CCSER1: variants seen among roughly 807,000 people sequenced by gnomAD.
CCSER1 encodes serine-rich coiled-coil domain-containing protein 1.
CCSER1 carries 41 observed loss-of-function variants against 82.0 expected under a neutral mutation model. That is an observed-to-expected ratio of 0.50 (90% CI 0.39 to 0.65). The LOEUF is 0.65. Ranked by LOEUF, CCSER1 falls within the 30% of genes least tolerant of loss-of-function variation. The probability of loss-of-function intolerance (pLI) is 0.00; values close to 1 mark genes in which losing one functional copy is unlikely to be tolerated. For missense variants in CCSER1, 1,119 were observed against 1,064.2 expected, an observed-to-expected ratio of 1.05 and a Z score of -0.72; for synonymous variants, 414 against 383.9, an observed-to-expected ratio of 1.08 and a Z score of -0.92.
intron 7 of CCSER1, among the ~76,000 whole-genome samples, chr4:90,745,846 CA>C (rs751468336): frequency 6.7e-6 from 1 of 150,148 alleles, no homozygotes; most frequent in Non-Finnish European, 1.5e-5. Context: ...CCCGCCACCA[CA>C]CCCAGCTAAA....
chr4:91,073,115 A>G (rs1416901479), intron 9 of CCSER1, among the ~76,000 whole-genome samples: 1 of 152,140 alleles, frequency 6.6e-6, no homozygotes, highest in Non-Finnish European at 1.5e-5. Context: ...ATTACAGTAT[A>G]GACATTCAAA....
In CCSER1 at chr4:91,218,534, A is replaced by G. The variant is rs568584345; in HGVS notation, c.2217+132540A>G. Among the ~76,000 whole-genome samples, 10 of 152,356 alleles carry G rather than the reference A, an allele frequency of 6.6e-5. No individual in the cohort carries two copies. The South Asian group carries it at 1.2e-3, about 19-fold the overall frequency. On this transcript the variant is annotated intron_variant, in intron 10 of 10. Coordinates refer to ENST00000509176, the MANE Select transcript of CCSER1 (RefSeq NM_001145065.2). ...GACTGCCAGCATGCTGTCACCTCTC[A>G]GTATGACTAAAAGTTGATGAAACTG...
chr4:90,292,603 A>G (rs1312104105), intron 1 of CCSER1, among the ~76,000 whole-genome samples: 1 of 151,990 alleles, frequency 6.6e-6, no homozygotes, highest in Non-Finnish European at 1.5e-5. Flanking sequence ...ACATGACTGA[A>G]TGGAAATCAG....
intron 5 of CCSER1, among the ~76,000 whole-genome samples, chr4:90,524,319 C>A (rs544815785): frequency 2.6e-5 from 4 of 152,182 alleles, no homozygotes; most frequent in Non-Finnish European, 4.4e-5. Flanking sequence ...ATCACCACAG[C>A]AAGCTGCCAT....
intron 1 of CCSER1, among the ~76,000 whole-genome samples, chr4:90,137,310 A>G (rs1723872068): frequency 6.6e-6 from 1 of 152,222 alleles, no homozygotes; most frequent in Non-Finnish European, 1.5e-5. Flanking sequence ...AGGGTACTTC[A>G]AAGTATAAAT....
At chr4:91,072,027 C>T (rs1273493813) in intron 9 of CCSER1, among the ~76,000 whole-genome samples, 1 of 152,096 alleles carries the variant, frequency 6.6e-6, no homozygotes, top group South Asian at 2.1e-4. Flanking sequence ...TCACAAACAA[C>T]CACTCAGGTA....
rs1259840333 is a variant in CCSER1 at position 91,598,651 on chromosome 4, G to T, written c.2297G>T (p.Arg766Leu). The change falls in exon 11 of 11, where the codon CGT (arginine) becomes CTT (leucine). Residue 766 changes from arginine (R) to leucine (L), a missense_variant. Coordinates refer to ENST00000509176, the MANE Select transcript of CCSER1 (RefSeq NM_001145065.2). The part of the protein sequence containing the change: ...RKAIHTPTED[R>L]FRYSAADQTS... ...GCAATACATACTCCCACCGAGGACC[G>T]TTTTAGGTATTCGGCAGCGGACCAG... 1.3e-6 allele frequency: 2 copies of T among 1,551,468 alleles called. No homozygotes were observed. The highest frequency in any genetic ancestry group is 1.7e-6 in the Non-Finnish European group (2 of 1,146,904).
rs183869737 is a variant in CCSER1, at chr4:91,493,343, A to G, written c.2218-105229A>G. ...GGGTAGATAATTAAATCTAAAATAG[A>G]AAGTCAATAAATATTTATGTGTATT... On this transcript the variant is annotated intron_variant, in intron 10 of 10. Coordinates refer to ENST00000509176, the MANE Select transcript of CCSER1 (RefSeq NM_001145065.2). Among the ~76,000 whole-genome samples, 522 of 152,000 alleles carry G rather than the reference A, an allele frequency of 3.4e-3. 5 individuals carry two copies. The highest frequency in any genetic ancestry group is 0.012 in the African/African-American group (485 of 41,534).
At chr4:90,736,054 T>C (rs574157140) in intron 7 of CCSER1, among the ~76,000 whole-genome samples, 1 of 152,152 alleles carries the variant, frequency 6.6e-6, no homozygotes, top group Non-Finnish European at 1.5e-5. Flanking sequence ...TTTATTCTAT[T>C]GTGGTCAAAG....
intron 10 of CCSER1, among the ~76,000 whole-genome samples, chr4:91,092,938 G>T (rs558208116): frequency 6.6e-6 from 1 of 152,080 alleles, no homozygotes; most frequent in African/African-American, 2.4e-5. Flanking sequence ...ACCTTTTGGG[G>T]TTTCCATACT....
chr4:90,902,717 C>A (rs1400171248), intron 8 of CCSER1, among the ~76,000 whole-genome samples: 4 of 152,002 alleles, frequency 2.6e-5, no homozygotes, highest in Non-Finnish European at 5.9e-5. Flanking sequence ...GCCCTTCTGG[C>A]AGCAGGTTTT....
Position 90,963,338 on chromosome 4 carries a change from CAGAT to C in CCSER1, c.2172+39896_2172+39899del, listed in dbSNP as rs530975097. ...GTCTATGAATTATGAAAATTGATGA[CAGAT>C]AGATCTATAGATGATAGAGATGCAA... is the stretch of plus-strand genomic sequence containing the variant. On this transcript the variant is annotated intron_variant, in intron 9 of 10. Transcript: ENST00000509176. Among the ~76,000 whole-genome samples the C allele has an allele frequency of 3.7e-4, 57 of 152,054 alleles. 1 individual carries two copies. The highest frequency in any genetic ancestry group is 1.4e-3 in the African/African-American group (56 of 41,480).
At position 90,954,789 on chromosome 4, in the gene CCSER1, T is replaced by TAA. The variant is rs5860212; in HGVS notation, c.2172+31350_2172+31351dup. Among the ~76,000 whole-genome samples the TAA allele has an allele frequency of 1.0e-2, 1,510 of 151,114 alleles. 30 individuals are homozygous for TAA. Among genetic ancestry groups the TAA allele is most frequent in the African/African-American group, 0.034 (1,405 of 41,270 alleles). On this transcript the variant is annotated intron_variant, in intron 9 of 10. Coordinates refer to ENST00000509176, the MANE Select transcript of CCSER1 (RefSeq NM_001145065.2). Reference sequence around the variant, plus strand: ...TGTTGAGGGTATGCAGTACATTTACTAAAAAAAAATGATTATCAAGTGATA... The same window carrying TAA: ...TGTTGAGGGTATGCAGTACATTTACTAAAAAAAAAAATGATTATCAAGTGATA...
intron 10 of CCSER1, among the ~76,000 whole-genome samples, chr4:91,143,847 C>G (rs2148935473): frequency 6.6e-6 from 1 of 152,142 alleles, no homozygotes; most frequent in East Asian, 1.9e-4. Context: ...GTTGAATTAA[C>G]TGCTTTATGT....
At chr4:90,974,665 A>G (rs571773081) in intron 9 of CCSER1, among the ~76,000 whole-genome samples, 1 of 151,618 alleles carries the variant, frequency 6.6e-6, no homozygotes, top group African/African-American at 2.4e-5. Flanking sequence ...CCACAGTGAA[A>G]TACTTCATAA....
At chr4:90,622,820 T>G (rs1316743301) in intron 5 of CCSER1, among the ~76,000 whole-genome samples, 1 of 152,090 alleles carries the variant, frequency 6.6e-6, no homozygotes, top group Non-Finnish European at 1.5e-5. Context: ...TTTCTAGTTC[T>G]AGATCCTTGA....
chr4:90,192,222 T>C (rs1195831826), intron 1 of CCSER1, among the ~76,000 whole-genome samples: 5 of 151,814 alleles, frequency 3.3e-5, no homozygotes, highest in Non-Finnish European at 7.4e-5. Flanking sequence ...GCAGGAAAAC[T>C]CCCCCTTACA....
intron 10 of CCSER1, among the ~76,000 whole-genome samples, chr4:91,148,499 TTA>T (rs1441341153): frequency 6.6e-6 from 1 of 151,550 alleles, no homozygotes; most frequent in Non-Finnish European, 1.5e-5. Context: ...ATTTTTATTA[TTA>T]TACTTTAAGT....
intron 10 of CCSER1, among the ~76,000 whole-genome samples, chr4:91,282,929 A>G (rs555918556): frequency 6.6e-6 from 1 of 152,250 alleles, no homozygotes; most frequent in Non-Finnish European, 1.5e-5. Flanking sequence ...ATAAAAGAAA[A>G]TAAATGAGAT....
Sources: gnomAD v4.1 joint callset for allele counts (sites outside exome capture counted in the v4.1 genomes callset) on GRCh38, gnomAD v4.1.1 for gene constraint, MANE v1.5 for transcripts, NCBI Gene and HGNC (gene_info 2026-07-23, HGNC 2026-07-21) for gene names.